The following ZFP41 variants were observed in gnomAD, a reference collection of about 807,000 sequenced individuals.
ZFP41 encodes ZFP41 zinc finger protein.
ZFP41 carries 10 observed loss-of-function variants against 11.6 expected under a neutral mutation model. The ratio of observed to expected loss-of-function variants is 0.86; its 90% CI spans 0.53 to 1.47. The LOEUF is 1.47. ZFP41 is among the 40% of genes most tolerant of loss of function. The pLI is 0.00. For synonymous variants in ZFP41, 123 were observed against 100.9 expected (o/e 1.22, Z -1.31); for missense variants, 302 against 264.6 (o/e 1.14, Z -0.98).
chr8:143,249,741 G>C lies in ZFP41; in HGVS notation c.-103G>C, dbSNP rs1270060166. 3.4e-6 allele frequency: 5 copies of C among 1,474,640 alleles called. No individual in the cohort carries two copies. In the South Asian group the frequency reaches 4.4e-5, roughly 13 times the overall value. The allele number at this position is 1,474,640 out of a possible 1,614,324, so 91.3% of individuals were successfully genotyped here. A position where few individuals can be genotyped will look rare whatever the true frequency, so the allele number is the denominator to read the frequency against. Reference sequence around the variant, plus strand: ...TCCTGGTGCAGAGCATCAGTCCCACGCTGGGAGTGTGGAGAGGTGCGTGGG... The same window carrying C: ...TCCTGGTGCAGAGCATCAGTCCCACCCTGGGAGTGTGGAGAGGTGCGTGGG... On this transcript the variant is annotated 5_prime_UTR_variant, in exon 2 of 3. Transcript: ENST00000330701.
intron 2 of ZFP41, among the ~76,000 whole-genome samples, chr8:143,255,102 A>G (rs575967042): frequency 2.7e-4 from 41 of 152,258 alleles, no homozygotes; most frequent in Non-Finnish European, 4.7e-4. Context: ...GGACCACCTC[A>G]GCCTCTCTAG....
chr8:143,256,233 GGC>G (rs1167201750), intron 2 of ZFP41, among the ~76,000 whole-genome samples: 46 of 113,278 alleles, frequency 4.1e-4, no homozygotes, highest in African/African-American at 1.6e-3. Flanking sequence ...GTGAGATCAG[GGC>G]TCGCCCCGCG....
chr8:143,255,579 T>C, intron 2 of ZFP41, among the ~76,000 whole-genome samples: 2 of 139,038 alleles, frequency 1.4e-5, no homozygotes, highest in Non-Finnish European at 3.1e-5. Context: ...CTGGTGTTCT[T>C]GAGATCAGGG....
At chr8:143,252,671 C>G in intron 2 of ZFP41, 2 of 978,932 alleles carry the variant, frequency 2.0e-6, no homozygotes, top group Non-Finnish European at 2.4e-6. Flanking sequence ...CCCGTGGTGT[C>G]GTGTACCTGC....
chr8:143,250,484 C>A lies in ZFP41; in HGVS notation c.*44C>A. 6.3e-7 allele frequency: 1 copy of A among 1,580,376 alleles called. No homozygotes were observed. Among genetic ancestry groups the A allele is most frequent in the South Asian group, 1.1e-5 (1 of 87,004 alleles). On this transcript the variant is annotated 3_prime_UTR_variant, in exon 2 of 3. Transcript: ENST00000330701. ...CTCGGGCCCTGCGGTGCGAGCCTCG[C>A]CGGACACCTGCTCCGTGGCTCCCTC...
rs764333173 is a variant in ZFP41 at position 143,250,340 on chromosome 8, C to G, written c.497C>G (p.Thr166Ser). 1.2e-6 allele frequency: 2 copies of G among 1,614,012 alleles called. No individual in the cohort carries two copies. The highest frequency in any genetic ancestry group is 2.7e-5 in the African/African-American group (2 of 75,054). ...CTCCTGAAACATCAGAAGACGCACA[C>G]CGGGGAGAAGCCCTACGAATGCACG... ...SNLLKHQKTHTGEKPYECTHC... is the reference protein window; with the variant it reads ...SNLLKHQKTHSGEKPYECTHC... Residue 166 changes from threonine to serine, a missense_variant, in exon 2 of 3, where the codon ACC becomes AGC. Thr to Ser is a moderately conservative substitution (Grantham distance 58, BLOSUM62 1). Coordinates refer to ENST00000330701, the MANE Select transcript of ZFP41 (RefSeq NM_173832.6).
intron 2 of ZFP41, among the ~76,000 whole-genome samples, chr8:143,251,752 G>T (rs1172262245): frequency 6.6e-6 from 1 of 152,220 alleles, no homozygotes; most frequent in African/African-American, 2.4e-5. Flanking sequence ...TCCTGCCGCG[G>T]TCTTTCTGAG....
intron 2 of ZFP41, among the ~76,000 whole-genome samples, chr8:143,255,530 A>G (rs7388632): frequency 0.44 from 42,169 of 96,224 alleles, 10,591 homozygotes; most frequent in East Asian, 0.71. Flanking sequence ...GGCTCGCCCC[A>G]CGTGCTGGAG....
rs1815007365 is a variant in ZFP41 at position 143,260,162 on chromosome 8, G to GTGCAGGGAAGCACCCTGTGAAA, written c.*1289_*1290insGCAGGGAAGCACCCTGTGAAAT. The GTGCAGGGAAGCACCCTGTGAAA allele has an allele frequency of 3.0e-5, 1 of 33,764 alleles. No individual in the cohort carries two copies. Among genetic ancestry groups the GTGCAGGGAAGCACCCTGTGAAA allele is most frequent in the African/African-American group, 1.2e-4 (1 of 8,018 alleles). 2.1% of individuals were successfully genotyped at this position (33,764 alleles called of 1,614,324 possible). A position where few individuals can be genotyped will look rare whatever the true frequency, so the allele number is the denominator to read the frequency against. On this transcript the variant is annotated 3_prime_UTR_variant, in exon 3 of 3. Coordinates refer to ENST00000330701, the MANE Select transcript of ZFP41 (RefSeq NM_173832.6). The stretch of plus-strand genomic sequence containing the variant: ...ATCGTGCAGGGAAGCACCCTGTGAA[G>GTGCAGGGAAGCACCCTGTGAAA]TCGTGCAGGGAAGCACCTTCTGAAA...
chr8:143,258,271 G>T (rs1321256334), intron 2 of ZFP41, among the ~76,000 whole-genome samples: 5 of 152,222 alleles, frequency 3.3e-5, no homozygotes, highest in Non-Finnish European at 7.3e-5. Flanking sequence ...CAGTGAACTG[G>T]GATTGTATCA....
rs1030985594 is a variant in ZFP41 at position 143,261,295 on chromosome 8, A to T, written c.*2421A>T. 1 of 152,422 alleles carries T rather than the reference A, an allele frequency of 6.6e-6. No homozygotes were observed. Among genetic ancestry groups the T allele is most frequent in the African/African-American group, 2.4e-5 (1 of 41,454 alleles). 9.4% of individuals were successfully genotyped at this position (152,422 alleles called of 1,614,324 possible). ...CCTGAGAATGAGCTGAGGTAAAAAC[A>T]TGCTGGGGAGGAAGATGGGCCCTGG... On this transcript the variant is annotated 3_prime_UTR_variant, in exon 3 of 3. Transcript: ENST00000330701.
At chr8:143,252,018 G>A (rs1814775843) in intron 2 of ZFP41, among the ~76,000 whole-genome samples, 1 of 152,212 alleles carries the variant, frequency 6.6e-6, no homozygotes. Flanking sequence ...AGTATCGTGG[G>A]GAGGCTGCTC....
intron 2 of ZFP41, among the ~76,000 whole-genome samples, chr8:143,254,128 T>G (rs1214021603): frequency 3.9e-5 from 6 of 152,174 alleles, no homozygotes; most frequent in Non-Finnish European, 2.9e-5. Flanking sequence ...GGACCCGTCT[T>G]GAGGTCAGGG....
chr8:143,258,053 C>T (rs755473086), intron 2 of ZFP41, among the ~76,000 whole-genome samples: 6 of 152,190 alleles, frequency 3.9e-5, no homozygotes, highest in South Asian at 2.1e-4. Context: ...AGGCCAGGCA[C>T]GGTGGCTCAT....
rs748047203 is a variant in ZFP41, at chr8:143,261,654, C to T, written c.*2780C>T. ...GTGGGGGCGACTTCACAGCCGAGAC[C>T]GGGCCTAACGCTGCTGTCTCGCAGT... On this transcript the variant is annotated 3_prime_UTR_variant, in exon 3 of 3. Coordinates refer to ENST00000330701, the MANE Select transcript of ZFP41 (RefSeq NM_173832.6). The T allele has an allele frequency of 1.3e-4, 21 of 156,636 alleles. No homozygotes were observed. The East Asian group carries it at 1.3e-3, about 10-fold the overall frequency. The allele number at this position is 156,636 out of a possible 1,614,324, so 9.7% of individuals were successfully genotyped here.
At chr8:143,256,834 C>T (rs1035130986) in intron 2 of ZFP41, among the ~76,000 whole-genome samples, 2 of 152,178 alleles carry the variant, frequency 1.3e-5, no homozygotes, top group African/African-American at 4.8e-5. Flanking sequence ...TATCATTTGG[C>T]ACAGACAGAC....
intron 2 of ZFP41, among the ~76,000 whole-genome samples, chr8:143,257,802 C>G (rs536345782): frequency 1.3e-5 from 2 of 152,344 alleles, no homozygotes; most frequent in African/African-American, 2.4e-5. Flanking sequence ...CGAGGAGACA[C>G]GCACACAGAA....
Position 143,260,410 on chromosome 8 carries a change from C to T in ZFP41, c.*1536C>T, listed in dbSNP as rs1815013007. On this transcript the variant is annotated 3_prime_UTR_variant, in exon 3 of 3. Coordinates refer to ENST00000330701, the MANE Select transcript of ZFP41 (RefSeq NM_173832.6). Reference sequence around the variant, plus strand: ...GGCTCCTGACTCCGGTGAGGTCACCCTGGAGGGGAGTCCCAGGAATCAGCC... The same window carrying T: ...GGCTCCTGACTCCGGTGAGGTCACCTTGGAGGGGAGTCCCAGGAATCAGCC... The T allele has an allele frequency of 6.4e-6, 1 of 157,308 alleles. No individual in the cohort carries two copies. The highest frequency in any genetic ancestry group is 1.7e-4 in the South Asian group (1 of 5,818). 9.7% of individuals were successfully genotyped at this position (157,308 alleles called of 1,614,324 possible).
chr8:143,250,134 G>A lies in ZFP41; in HGVS notation c.291G>A (p.Lys97=), dbSNP rs1444248545. The A allele has an allele frequency of 1.9e-6, 3 of 1,614,178 alleles. No homozygotes were observed. The highest frequency in any genetic ancestry group is 1.1e-5 in the South Asian group (1 of 91,088). ...YECSECGRIF[K]HKTDHIRHQR... is the part of the protein sequence containing the mutation. ...GCAGTGAGTGTGGGCGGATCTTTAA[G>A]CACAAGACAGACCACATTCGCCATC... The change falls in exon 2 of 3, where the codon AAG becomes AAA. Residue 97 remains lysine (K), a synonymous_variant. Coordinates refer to ENST00000330701, the MANE Select transcript of ZFP41 (RefSeq NM_173832.6).
Sources: gnomAD v4.1 joint callset for allele counts (sites outside exome capture counted in the v4.1 genomes callset) on GRCh38, gnomAD v4.1.1 for gene constraint, MANE v1.5 for transcripts, NCBI Gene and HGNC (gene_info 2026-07-23, HGNC 2026-07-21) for gene names.